The following PCP4L1 variants were observed in gnomAD, a reference collection of about 807,000 sequenced individuals.
PCP4L1 encodes the protein Purkinje cell protein 4 like 1.
Under a neutral mutation model 9.6 loss-of-function variants are expected in PCP4L1, and 9 were observed. The ratio of observed to expected loss-of-function variants is 0.94; its 90% CI spans 0.57 to 1.64. The LOEUF (loss-of-function observed/expected upper bound fraction) is 1.64. Ranked by LOEUF, PCP4L1 falls within the 40% of genes most tolerant of loss-of-function variation. PCP4L1 has a pLI of 0.00. For synonymous variants in PCP4L1, 31 were observed against 28.2 expected (o/e 1.10, Z -0.31); for missense variants, 81 against 80.8 (o/e 1.00, Z -0.01).
chr1:161,260,989 C>T (rs772184968), intron 1 of PCP4L1, among the ~76,000 whole-genome samples: 10 of 152,106 alleles, frequency 6.6e-5, no homozygotes, highest in Non-Finnish European at 1.2e-4. Context: ...CTCTAGGGGC[C>T]GAGATCCAGC....
At chr1:161,260,974 T>C (rs1287481694) in intron 1 of PCP4L1, among the ~76,000 whole-genome samples, 2 of 152,198 alleles carry the variant, frequency 1.3e-5, no homozygotes, top group Non-Finnish European at 2.9e-5. Flanking sequence ...AAGGGGTCTC[T>C]GCTTCTCTAG....
chr1:161,281,590 A>G (rs148505704), intron 1 of PCP4L1, among the ~76,000 whole-genome samples: 68,088 of 147,646 alleles, frequency 0.46, 15,818 homozygotes, highest in East Asian at 0.65. Flanking sequence ...CGGACGGGGC[A>G]GCTGGCCAGG....
chr1:161,269,575 A>G lies in PCP4L1; in HGVS notation c.9+10592A>G, dbSNP rs536993784. The stretch of plus-strand genomic sequence containing the variant: ...CAAAAAGGATCAATAGGAATTAATG[A>G]TACAAAAAGGAGGCAGGGATAAGAG... On this transcript the variant is annotated intron_variant, in intron 1 of 2. Transcript: ENST00000504449. Among the ~76,000 whole-genome samples, 6 of 152,340 alleles carry G rather than the reference A, an allele frequency of 3.9e-5. No homozygotes were observed. The East Asian group carries it at 1.2e-3, about 29-fold the overall frequency.
chr1:161,271,970 G>A (rs1384874755), intron 1 of PCP4L1, among the ~76,000 whole-genome samples: 1 of 150,012 alleles, frequency 6.7e-6, no homozygotes, highest in African/African-American at 2.5e-5. Flanking sequence ...ACCACACTTG[G>A]ACTAACCTTT....
chr1:161,272,157 A>T (rs1669633797), intron 1 of PCP4L1, among the ~76,000 whole-genome samples: 1 of 149,752 alleles, frequency 6.7e-6, no homozygotes. Context: ...TGATACATAT[A>T]ACTTATAGTG....
intron 1 of PCP4L1, among the ~76,000 whole-genome samples, chr1:161,264,639 G>A (rs1477744969): frequency 6.6e-6 from 1 of 152,134 alleles, no homozygotes; most frequent in Non-Finnish European, 1.5e-5. Flanking sequence ...GACGAGCCTG[G>A]GCAACATGAC....
At chr1:161,271,955 A>T (rs1669630694) in intron 1 of PCP4L1, among the ~76,000 whole-genome samples, 1 of 148,914 alleles carries the variant, frequency 6.7e-6, no homozygotes, top group South Asian at 2.1e-4. Context: ...CTACAGGTGC[A>T]TGTCACCACA....
At chr1:161,278,558 C>A (rs1211293854) in intron 1 of PCP4L1, among the ~76,000 whole-genome samples, 2 of 151,100 alleles carry the variant, frequency 1.3e-5, no homozygotes, top group African/African-American at 4.9e-5. Flanking sequence ...CATGAGCCAC[C>A]ACGCCCAGCC....
intron 1 of PCP4L1, among the ~76,000 whole-genome samples, chr1:161,272,651 A>C (rs1669642645): frequency 6.6e-6 from 1 of 151,944 alleles, no homozygotes; most frequent in Admixed American, 6.5e-5. Context: ...TAGTTGGAAA[A>C]GAAATTCAGG....
intron 1 of PCP4L1, among the ~76,000 whole-genome samples, chr1:161,269,189 A>G (rs1669582704): frequency 6.6e-6 from 1 of 152,216 alleles, no homozygotes; most frequent in Non-Finnish European, 1.5e-5. Flanking sequence ...TAGCCTAGAC[A>G]TAAACAAATG....
chr1:161,259,119 C>T (rs1246811295), intron 1 of PCP4L1, 136 bp downstream of exon 1: 3 of 1,276,892 alleles, frequency 2.3e-6, no homozygotes, highest in East Asian at 2.8e-5. Context: ...CCACTGCCCT[C>T]CTAGGAAAGC....
intron 1 of PCP4L1, among the ~76,000 whole-genome samples, chr1:161,272,630 G>A (rs372045822): frequency 7.4e-4 from 111 of 150,740 alleles, no homozygotes; most frequent in Non-Finnish European, 1.4e-3. Context: ...TGCTTCTTTC[G>A]TCTCTAATGG....
chr1:161,272,949 C>A (rs2102236719), intron 1 of PCP4L1, among the ~76,000 whole-genome samples: 1 of 152,098 alleles, frequency 6.6e-6, no homozygotes, highest in South Asian at 2.1e-4. Flanking sequence ...GGTAGGTACT[C>A]CTGGGGAAAG....
At chr1:161,263,890 CT>C (rs1225439526) in intron 1 of PCP4L1, among the ~76,000 whole-genome samples, 3 of 120,842 alleles carry the variant, frequency 2.5e-5, no homozygotes, top group Non-Finnish European at 5.1e-5. Context: ...GGCCTCAATA[CT>C]TTCTTTCCTT....
intron 1 of PCP4L1, among the ~76,000 whole-genome samples, chr1:161,276,584 G>A (rs190121049): frequency 1.8e-4 from 27 of 152,000 alleles, no homozygotes; most frequent in African/African-American, 6.5e-4. Context: ...GCAAGGCTGA[G>A]GTGCGAGGAT....
chr1:161,283,051 TC>T (rs1443825963), intron 1 of PCP4L1, among the ~76,000 whole-genome samples: 1 of 152,092 alleles, frequency 6.6e-6, no homozygotes, highest in African/African-American at 2.4e-5. Flanking sequence ...TAAAAAGACT[TC>T]TAAAGCCCTA....
At chr1:161,271,574 G>C (rs1266611901) in intron 1 of PCP4L1, among the ~76,000 whole-genome samples, 7 of 152,060 alleles carry the variant, frequency 4.6e-5, no homozygotes, top group African/African-American at 1.7e-4. Context: ...CATGATGTTG[G>C]CTCACTGCAA....
rs995342999 is a variant in PCP4L1 at position 161,258,833 on chromosome 1, C to T, written c.-142C>T. 82 of 1,297,822 alleles carry T rather than the reference C, an allele frequency of 6.3e-5. No homozygotes were observed. The highest frequency in any genetic ancestry group is 8.7e-5 in the Non-Finnish European group (81 of 935,426). The allele number at this position is 1,297,822 out of a possible 1,614,324, so 80.4% of individuals were successfully genotyped here. A position where few individuals can be genotyped will look rare whatever the true frequency, so the allele number is the denominator to read the frequency against. On this transcript the variant is annotated 5_prime_UTR_variant, in exon 1 of 3. Coordinates refer to ENST00000504449, the MANE Select transcript of PCP4L1 (RefSeq NM_001102566.2). ...GGGTGCCAGCACCAGAGCAGCGGCTCTCCGCACTAACTCTCCTCTCCTGGT... is the reference window on the plus strand; with the variant it reads ...GGGTGCCAGCACCAGAGCAGCGGCTTTCCGCACTAACTCTCCTCTCCTGGT...
chr1:161,258,751 C>A lies in PCP4L1; in HGVS notation c.-224C>A. On this transcript the variant is annotated 5_prime_UTR_variant, in exon 1 of 3. Coordinates refer to ENST00000504449, the MANE Select transcript of PCP4L1 (RefSeq NM_001102566.2). ...GGGCCGGAGGCGGCGAGCTGAGCGGCTCTGACAGGACGGGTCGCAGGGGGT... is the reference window on the plus strand; with the variant it reads ...GGGCCGGAGGCGGCGAGCTGAGCGGATCTGACAGGACGGGTCGCAGGGGGT... The A allele has an allele frequency of 1.5e-6, 1 of 666,618 alleles. No homozygotes were observed. The allele number at this position is 666,618 out of a possible 1,614,324, so 41.3% of individuals were successfully genotyped here. A position where few individuals can be genotyped will look rare whatever the true frequency, so the allele number is the denominator to read the frequency against.
Sources: allele counts gnomAD v4.1 joint callset (sites outside exome capture counted in the v4.1 genomes callset), GRCh38; gene constraint gnomAD v4.1.1; transcripts MANE v1.5; gene names NCBI Gene and HGNC (gene_info 2026-07-23, HGNC 2026-07-21).